TTLL8: variants seen among roughly 807,000 people sequenced by gnomAD.
TTLL8 encodes the protein tubulin tyrosine ligase like 8.
Under a neutral mutation model 77.8 loss-of-function variants are expected in TTLL8, and 65 were observed. The observed-to-expected ratio is 0.84, with a 90% confidence interval of 0.68 to 1.03. The LOEUF (loss-of-function observed/expected upper bound fraction) is 1.03. Ranked by LOEUF, TTLL8 falls within the 50% of genes least tolerant of loss-of-function variation. TTLL8 has a pLI of 0.00. For synonymous variants in TTLL8, 402 were observed against 422.8 expected (o/e 0.95, Z 0.60); for missense variants, 910 against 1,004.5 (o/e 0.91, Z 1.27).
At chr22:50,038,300 T>C (rs2061349372) in intron 8 of TTLL8, among the ~76,000 whole-genome samples, 1 of 152,132 alleles carries the variant, frequency 6.6e-6, no homozygotes, top group African/African-American at 2.4e-5. Flanking sequence ...ATATGAACAA[T>C]CATATCATCT....
At chr22:50,055,014 C>A (rs1022815820), upstream of TTLL8, 1 of 411,774 alleles carries the variant, frequency 2.4e-6, no homozygotes, top group African/African-American at 2.2e-5. Flanking sequence ...AAGCTGAGAT[C>A]GTGCCACTGC....
chr22:50,046,479 T>A (rs567638043), intron 4 of TTLL8, among the ~76,000 whole-genome samples: 1 of 152,188 alleles, frequency 6.6e-6, no homozygotes, highest in South Asian at 2.1e-4. Flanking sequence ...AGGAAAAAAG[T>A]GGCTGGCCCC....
intron 2 of TTLL8, 112 bp downstream of exon 4, chr22:50,049,997 T>A (rs1032331698): frequency 2.5e-6 from 3 of 1,219,346 alleles, no homozygotes; most frequent in Middle Eastern, 3.7e-4. Flanking sequence ...AGATACCCCA[T>A]CACGCACACC....
chr22:50,044,154 A>G lies in TTLL8; in HGVS notation c.643+1101T>C, dbSNP rs928099360. On this transcript the variant is annotated intron_variant, in intron 6 of 13. Transcript: ENST00000266182. The surrounding 1 kb of genome is among the most constrained non-coding windows in gnomAD (Gnocchi z 4.2). The stretch of plus-strand genomic sequence containing the variant: ...AGCCTGGCCAACATGGCAAAACCCC[A>G]TCTCTACTAAAAATACAAAACATTA... Among the ~76,000 whole-genome samples the G allele has an allele frequency of 6.6e-6, 1 of 152,088 alleles. No homozygotes were observed. The highest frequency in any genetic ancestry group is 2.4e-5 in the African/African-American group (1 of 41,408).
At chr22:50,056,663 GT>G, upstream of TTLL8, 1 of 730,946 alleles carries the variant, frequency 1.4e-6, no homozygotes, top group Non-Finnish European at 1.7e-6. This position sits in a 1 kb window ranked among gnomAD's most constrained non-coding sequence, Gnocchi z 4.1. Context: ...TGGGATCGGG[GT>G]ACAGGAGGCA....
chr22:50,033,807 G>C (rs1419063864), intron 9 of TTLL8, among the ~76,000 whole-genome samples: 1 of 152,208 alleles, frequency 6.6e-6, no homozygotes. Flanking sequence ...GGCCGAGGCA[G>C]GTGAATCACT....
intron 10 of TTLL8, 111 bp downstream of exon 11, chr22:50,033,091 G>A: frequency 8.3e-7 from 1 of 1,207,572 alleles, no homozygotes; most frequent in Non-Finnish European, 1.1e-6. Context: ...CGTGGTGGCA[G>A]GTGGCAGTGA....
rs921536874 is a variant in TTLL8, at chr22:50,045,763, C to T, written c.508+93G>A. 4 of 1,252,630 alleles carry T rather than the reference C, an allele frequency of 3.2e-6. No homozygotes were observed. In the African/African-American group the frequency reaches 6.2e-5, roughly 19 times the overall value. The allele number at this position is 1,252,630 out of a possible 1,614,324, so 77.6% of individuals were successfully genotyped here. ...CTCTCCCCGGTCCTCTATCCTCAGA[C>T]CCTGCCCCATCAGTCTGTCTCAGCA... is the stretch of plus-strand genomic sequence containing the variant. On this transcript the variant is annotated intron_variant, in intron 5 of 13. Coordinates refer to ENST00000266182, the Ensembl canonical transcript of TTLL8.
In TTLL8 at chr22:50,045,225, C is replaced by G. The variant is rs560411770; in HGVS notation, c.643+30G>C. ...TGTGGAGGCCCCGAGCTCTGGTGGC[C>G]TGGCACTGCCCTGCCCCGGCCCAGC... On this transcript the variant is annotated intron_variant, in intron 6 of 13. Coordinates refer to ENST00000266182, the Ensembl canonical transcript of TTLL8. 2.6e-5 allele frequency: 35 copies of G among 1,342,264 alleles called. No homozygotes were observed. The East Asian group carries it at 1.6e-3, about 61-fold the overall frequency. The allele number at this position is 1,342,264 out of a possible 1,614,324, so 83.1% of individuals were successfully genotyped here.
Position 50,031,692 on chromosome 22 carries a change from C to G in TTLL8, c.1701G>C (p.Trp567Cys), listed in dbSNP as rs1315096122. 4 of 1,297,120 alleles carry G rather than the reference C, an allele frequency of 3.1e-6. No homozygotes were observed. The African/African-American group carries it at 4.5e-5, about 15-fold the overall frequency. The allele number at this position is 1,297,120 out of a possible 1,614,324, so 80.4% of individuals were successfully genotyped here. A position where few individuals can be genotyped will look rare whatever the true frequency, so the allele number is the denominator to read the frequency against. Residue 567 changes from tryptophan to cysteine, a missense_variant, in exon 11 of 14, where the codon TGG (tryptophan) becomes TGC (cysteine). Physicochemically the swap from Trp to Cys is radical, Grantham distance 215. This residue lies in a region of TTLL8 where 776 missense variants were observed against 926.1 expected (regional missense o/e 0.84). Coordinates refer to ENST00000266182, the Ensembl canonical transcript of TTLL8. ...AGGGGCGGGCGTGGCTCACCTGCCT[C>G]CACAGGAGCTCGAAGTTGCCGATGT...
intron 3 of TTLL8, among the ~76,000 whole-genome samples, chr22:50,048,108 C>G (rs1313356586): frequency 7.7e-6 from 1 of 129,964 alleles, no homozygotes; most frequent in South Asian, 2.7e-4. Flanking sequence ...AAACACCCCC[C>G]CAAAAAAGTG....
chr22:50,034,259 G>T lies in TTLL8; in HGVS notation c.1039+86C>A. ...CTCCCTTCCTTCCCTGTGGTGCTGT[G>T]GGCCTGAAACTGTCCCTCACTCACG... On this transcript the variant is annotated intron_variant, in intron 9 of 13. Coordinates refer to ENST00000266182, the Ensembl canonical transcript of TTLL8. The surrounding 1 kb of genome is among the most constrained non-coding windows in gnomAD (Gnocchi z 4.1). 8.0e-7 allele frequency: 1 copy of T among 1,257,268 alleles called. No homozygotes were observed. Among genetic ancestry groups the T allele is most frequent in the East Asian group, 5.1e-5 (1 of 19,668 alleles). The allele number at this position is 1,257,268 out of a possible 1,614,324, so 77.9% of individuals were successfully genotyped here. A position where few individuals can be genotyped will look rare whatever the true frequency, so the allele number is the denominator to read the frequency against.
chr22:50,036,866 G>A (rs905400864), intron 8 of TTLL8, among the ~76,000 whole-genome samples: 14 of 152,156 alleles, frequency 9.2e-5, no homozygotes, highest in African/African-American at 3.4e-4. Context: ...CTTAACTGCT[G>A]GGATTACAGG....
At position 50,045,949 on chromosome 22, in the gene TTLL8, G is replaced by T. The variant is rs367707905; in HGVS notation, c.415C>A (p.Arg139=). 8.8e-6 allele frequency: 12 copies of T among 1,357,642 alleles called. No individual in the cohort carries two copies. In the East Asian group the frequency reaches 2.3e-4, roughly 26 times the overall value. 84.1% of individuals were successfully genotyped at this position (1,357,642 alleles called of 1,614,324 possible). Residue 139 remains arginine, a synonymous_variant, in exon 5 of 14, where the codon CGG becomes AGG. Coordinates refer to ENST00000266182, the Ensembl canonical transcript of TTLL8. ...GCCGGGACGTACCAGGGCAGGCTCC[G>T]CATGTTCACGCACAGCCCGATCTCC...
chr22:50,020,554 ATGCACTCCTCCATCTGACAACG>A (rs71318856), intron 12 of TTLL8, among the ~76,000 whole-genome samples: 21,889 of 133,664 alleles, frequency 0.16, 1,822 homozygotes, highest in Middle Eastern at 0.35. Context: ...TCCATCTGAC[ATGCACTCCTCCATCTGACAACG>A]TGCACTCCTC....
At chr22:50,045,968 G>A (rs759477140) in exon 5 of TTLL8, 14 of 1,350,994 alleles carry the variant, frequency 1.0e-5, no homozygotes, top group East Asian at 9.3e-5. Context: ...CGCACAGCCC[G>A]ATCTCCAGAG....
chr22:50,034,229 G>C lies in TTLL8; in HGVS notation c.1039+116C>G, dbSNP rs573717029. The C allele has an allele frequency of 6.7e-6, 8 of 1,193,268 alleles. No homozygotes were observed. The highest frequency in any genetic ancestry group is 1.1e-4 in the East Asian group (2 of 17,708). The allele number at this position is 1,193,268 out of a possible 1,614,324, so 73.9% of individuals were successfully genotyped here. On this transcript the variant is annotated intron_variant, in intron 9 of 13. Transcript: ENST00000266182. This position sits in a 1 kb window ranked among gnomAD's most constrained non-coding sequence, Gnocchi z 4.1. ...ACCCCCACGCCTGCCTCGGCGTTCT[G>C]CTCCCTCCCTTCCTTCCCTGTGGTG...
At chr22:50,052,475 GA>G (rs1205041555) in intron 1 of TTLL8, among the ~76,000 whole-genome samples, 1 of 152,126 alleles carries the variant, frequency 6.6e-6, no homozygotes, top group Non-Finnish European at 1.5e-5. Flanking sequence ...AAGGAAAATT[GA>G]ACCAAAGGAA....
At chr22:50,038,775 G>A (rs1218640040) in intron 8 of TTLL8, among the ~76,000 whole-genome samples, 1 of 151,806 alleles carries the variant, frequency 6.6e-6, no homozygotes, top group Non-Finnish European at 1.5e-5. Context: ...TTGTACCACT[G>A]CACTCCAGCC....
Sources: allele counts gnomAD v4.1 joint callset (sites outside exome capture counted in the v4.1 genomes callset), GRCh38; gene constraint gnomAD v4.1.1; regional missense constraint gnomAD v4.1.1; non-coding constraint Gnocchi (gnomAD v3.1); transcripts MANE v1.5; gene names NCBI Gene and HGNC (gene_info 2026-07-23, HGNC 2026-07-21).